ARHGAP35: variants seen among roughly 807,000 people sequenced by gnomAD.
ARHGAP35 encodes rho GTPase-activating protein 35.
A neutral mutation model predicts 111.1 loss-of-function variants in ARHGAP35; 15 were observed. That is an observed-to-expected ratio of 0.13 (90% CI 0.09 to 0.21). The LOEUF (loss-of-function observed/expected upper bound fraction) is 0.21, where lower values mean the gene tolerates loss of function less well. Among genes scored for constraint, ARHGAP35 ranks in the 10% least tolerant of loss-of-function variants. ARHGAP35 has a pLI of 1.00. For missense variants in ARHGAP35, 1,262 were observed against 1,873.0 expected, an observed-to-expected ratio of 0.67 and a Z score of 6.02; for synonymous variants, 643 against 710.3, an observed-to-expected ratio of 0.91 and a Z score of 1.51.
intron 1 of ARHGAP35, among the ~76,000 whole-genome samples, chr19:46,904,601 G>A (rs2056096412): frequency 2.0e-5 from 3 of 152,172 alleles, no homozygotes; most frequent in African/African-American, 7.2e-5. Flanking sequence ...CACCACCACT[G>A]TGTCAGCATT....
intron 3 of ARHGAP35, among the ~76,000 whole-genome samples, chr19:46,972,218 C>T (rs1442260669): frequency 6.6e-6 from 1 of 151,950 alleles, no homozygotes; most frequent in African/African-American, 2.4e-5. Flanking sequence ...GCCATGTTGG[C>T]CAGGCTGGTC....
intron 2 of ARHGAP35, among the ~76,000 whole-genome samples, chr19:46,927,109 T>G (rs1357694071): frequency 2.6e-5 from 4 of 152,220 alleles, no homozygotes; most frequent in Non-Finnish European, 1.5e-5. Context: ...TGACTTGACC[T>G]TGGATTTTCT....
In ARHGAP35 at chr19:46,920,613, T is replaced by C. The variant is rs1381800790; in HGVS notation, c.1938T>C (p.Leu646=). ...GGCCAATAGAGGGGAATGTCAGGCT[T>C]CCTGTGAACTCTTTCCAGACGCCAA... ...SLRPIEGNVR[L]PVNSFQTPTF... is the part of the protein sequence containing the mutation. Residue 646 remains leucine (L), a synonymous_variant, in exon 2 of 7, where the codon CTT becomes CTC. Transcript: ENST00000672722. The surrounding 1 kb of genome is among the most constrained non-coding windows in gnomAD (Gnocchi z 7.0). The C allele has an allele frequency of 1.2e-6, 2 of 1,613,942 alleles. No individual in the cohort carries two copies.
chr19:46,889,466 A>G (rs988653916), intron 1 of ARHGAP35, among the ~76,000 whole-genome samples: 2 of 152,064 alleles, frequency 1.3e-5, no homozygotes, highest in African/African-American at 2.4e-5. Context: ...TCAAAAAAAC[A>G]AAAACAAAGA....
intron 3 of ARHGAP35, among the ~76,000 whole-genome samples, chr19:46,964,976 T>C (rs1489109375): frequency 6.6e-6 from 1 of 152,270 alleles, no homozygotes; most frequent in African/African-American, 2.4e-5. Context: ...CCTTCCCCTA[T>C]ATTTTGTGAC....
rs753381798 is a variant in ARHGAP35, at chr19:46,922,109, G to A, written c.3434G>A (p.Arg1145Gln). 1 of 1,613,926 alleles carries A rather than the reference G, an allele frequency of 6.2e-7. No homozygotes were observed. The highest frequency in any genetic ancestry group is 1.7e-5 in the Admixed American group (1 of 60,004). Reference protein sequence around the residue: ...DSEMDTSSLERGRKVSIVSKP... With the variant: ...DSEMDTSSLEQGRKVSIVSKP... ...GAAATGGACACCAGCTCTCTAGAGC[G>A]AGGGCGCAAGGTTTCCATCGTGAGC... is the stretch of plus-strand genomic sequence containing the variant. Residue 1145 changes from arginine (R) to glutamine (Q), a missense_variant, in exon 2 of 7, where the codon CGA becomes CAA. By Grantham distance (43) the Arg-to-Gln change is conservative. Coordinates refer to ENST00000672722, the MANE Select transcript of ARHGAP35 (RefSeq NM_004491.5). The surrounding 1 kb of genome is among the most constrained non-coding windows in gnomAD (Gnocchi z 4.0).
intron 1 of ARHGAP35, among the ~76,000 whole-genome samples, chr19:46,896,114 T>C (rs562363993): frequency 1.1e-4 from 17 of 151,372 alleles, no homozygotes; most frequent in Non-Finnish European, 1.8e-4. Context: ...AAAAAAAAGC[T>C]ATAAGGAAGC....
intron 2 of ARHGAP35, among the ~76,000 whole-genome samples, chr19:46,930,859 G>C (rs946245402): frequency 2.5e-4 from 38 of 152,098 alleles, no homozygotes; most frequent in Non-Finnish European, 1.8e-4. Flanking sequence ...GAGGGCGGGA[G>C]ACGACTTTGG....
intron 1 of ARHGAP35, among the ~76,000 whole-genome samples, chr19:46,876,006 A>T (rs1028481832): frequency 6.6e-6 from 1 of 152,208 alleles, no homozygotes; most frequent in Non-Finnish European, 1.5e-5. Flanking sequence ...CACATGGCCT[A>T]GGTTTGAGTC....
In ARHGAP35 at chr19:47,000,658, C is replaced by T; in HGVS notation, c.4470C>T (p.Pro1490=). Residue 1490 remains proline, a synonymous_variant, in exon 7 of 7, where the codon CCC becomes CCT. Transcript: ENST00000672722. The surrounding 1 kb of genome is among the most constrained non-coding windows in gnomAD (Gnocchi z 6.9). ...TPQSPMQPLL[P]SQLQAEHTL is the part of the protein sequence containing the mutation. ...AGTCCCCAATGCAGCCACTGCTTCC[C>T]TCCCAGCTTCAAGCCGAACACACGC... 1.3e-6 allele frequency: 2 copies of T among 1,598,988 alleles called. No individual in the cohort carries two copies. Among genetic ancestry groups the T allele is most frequent in the Non-Finnish European group, 1.7e-6 (2 of 1,171,860 alleles).
chr19:46,996,570 C>T (rs994615909), intron 5 of ARHGAP35, among the ~76,000 whole-genome samples: 1 of 152,068 alleles, frequency 6.6e-6, no homozygotes, highest in African/African-American at 2.4e-5. Context: ...AGCCAGAGGA[C>T]GGGATGAGAC....
In ARHGAP35 at chr19:46,922,216, G is replaced by A. The variant is rs527979221; in HGVS notation, c.3541G>A (p.Asp1181Asn). The A allele has an allele frequency of 1.2e-6, 2 of 1,613,998 alleles. No homozygotes were observed. The highest frequency in any genetic ancestry group is 1.3e-5 in the African/African-American group (1 of 75,042). The change falls in exon 2 of 7, where the codon GAT (aspartate) becomes AAT (asparagine). Residue 1181 changes from aspartate to asparagine, a missense_variant. Asp to Asn is a conservative substitution (Grantham distance 23, BLOSUM62 1). Coordinates refer to ENST00000672722, the MANE Select transcript of ARHGAP35 (RefSeq NM_004491.5). The surrounding 1 kb of genome is among the most constrained non-coding windows in gnomAD (Gnocchi z 4.0). Reference sequence around the variant, plus strand: ...GACCAGCTTCAGCGTGGGGAGTGATGATGAGCTGGGGCCCATCCGGAAGAA... The same window carrying A: ...GACCAGCTTCAGCGTGGGGAGTGATAATGAGCTGGGGCCCATCCGGAAGAA... ...YRTSFSVGSD[D>N]ELGPIRKKEE...
chr19:46,950,444 A>C (rs2056405171), intron 3 of ARHGAP35, among the ~76,000 whole-genome samples: 1 of 152,170 alleles, frequency 6.6e-6, no homozygotes. Flanking sequence ...GTATACCTAG[A>C]AGGGAGGCAG....
At chr19:46,878,352 A>C (rs1416047068) in intron 1 of ARHGAP35, among the ~76,000 whole-genome samples, 1 of 151,294 alleles carries the variant, frequency 6.6e-6, no homozygotes, top group Admixed American at 6.6e-5. Flanking sequence ...AGAGACTCTC[A>C]CTCTGTCACC....
chr19:46,937,479 T>C (rs541444842), intron 3 of ARHGAP35, 71 bp downstream of exon 3: 1 of 1,512,004 alleles, frequency 6.6e-7, no homozygotes, highest in African/African-American at 1.4e-5. Flanking sequence ...GGTCAAGCCA[T>C]CTGGAGATTC....
chr19:47,001,103 A>G lies in ARHGAP35; in HGVS notation c.*415A>G. On this transcript the variant is annotated 3_prime_UTR_variant, in exon 7 of 7. Transcript: ENST00000672722. This position sits in a 1 kb window ranked among gnomAD's most constrained non-coding sequence, Gnocchi z 5.4. ...TCAGGGTGGGGCTGGCAACCCCTGA[A>G]GAGAACACTTCCTGTTGGTCTGTCT... 1 of 1,261,388 alleles carries G rather than the reference A, an allele frequency of 7.9e-7. No homozygotes were observed. The highest frequency in any genetic ancestry group is 1.5e-5 in the African/African-American group (1 of 65,750). 78.1% of individuals were successfully genotyped at this position (1,261,388 alleles called of 1,614,324 possible). A position where few individuals can be genotyped will look rare whatever the true frequency, so the allele number is the denominator to read the frequency against.
intron 1 of ARHGAP35, among the ~76,000 whole-genome samples, chr19:46,874,543 G>A (rs1223868752): frequency 9.5e-6 from 1 of 105,434 alleles, no homozygotes; most frequent in Non-Finnish European, 1.8e-5. Flanking sequence ...TTGCTCTGTT[G>A]CCCAGGCTGG....
intron 1 of ARHGAP35, among the ~76,000 whole-genome samples, chr19:46,876,478 T>G (rs1253665075): frequency 1.3e-5 from 2 of 151,852 alleles, no homozygotes; most frequent in Non-Finnish European, 2.9e-5. Flanking sequence ...GTTCAAGCGA[T>G]TCTCCTGCCT....
In ARHGAP35 at chr19:46,883,714, A is replaced by G. The variant is rs1457589563; in HGVS notation, c.-189+22505A>G. Among the ~76,000 whole-genome samples, 12 of 152,310 alleles carry G rather than the reference A, an allele frequency of 7.9e-5. No individual in the cohort carries two copies. The East Asian group carries it at 2.1e-3, about 27-fold the overall frequency. On this transcript the variant is annotated intron_variant, in intron 1 of 6. Coordinates refer to ENST00000672722, the MANE Select transcript of ARHGAP35 (RefSeq NM_004491.5). ...GTTGCCAATGACCTTCAGTTAAAAAAACACATGCACACATAGTATCTGAAG... is the reference window on the plus strand; with the variant it reads ...GTTGCCAATGACCTTCAGTTAAAAAGACACATGCACACATAGTATCTGAAG...
Sources: gnomAD v4.1 joint callset for allele counts (sites outside exome capture counted in the v4.1 genomes callset) on GRCh38, gnomAD v4.1.1 for gene constraint, Gnocchi (gnomAD v3.1) non-coding constraint, MANE v1.5 for transcripts, NCBI Gene and HGNC (gene_info 2026-07-23, HGNC 2026-07-21) for gene names.